LAMA2: variants seen among roughly 807,000 people sequenced by gnomAD.
LAMA2 encodes laminin subunit alpha 2.
Under a neutral mutation model 364.8 loss-of-function variants are expected in LAMA2, and 269 were observed. That is an observed-to-expected ratio of 0.74 (90% CI 0.67 to 0.82). LAMA2 has a LOEUF of 0.82. LAMA2 is among the 40% of genes least tolerant of loss of function. LAMA2 has a pLI of 0.00. For missense variants in LAMA2, 3,807 were observed against 3,873.2 expected, an observed-to-expected ratio of 0.98 and a Z score of 0.45; for synonymous variants, 1,379 against 1,370.6, an observed-to-expected ratio of 1.01 and a Z score of -0.14.
chr6:129,117,478 A>G (rs1462447430), intron 4 of LAMA2, among the ~76,000 whole-genome samples: 1 of 152,184 alleles, frequency 6.6e-6, no homozygotes, highest in Admixed American at 6.6e-5. Flanking sequence ...CTCAAATGTC[A>G]GATGTGCAGG....
chr6:128,942,819 A>C (rs942344752), intron 1 of LAMA2, among the ~76,000 whole-genome samples: 5 of 152,138 alleles, frequency 3.3e-5, no homozygotes, highest in African/African-American at 4.8e-5. Context: ...TTCAGCCTTA[A>C]GTACTTACCA....
chr6:129,147,024 T>C lies in LAMA2; in HGVS notation c.885T>C (p.Ala295=). 1 of 1,609,434 alleles carries C rather than the reference T, an allele frequency of 6.2e-7. No homozygotes were observed. The highest frequency in any genetic ancestry group is 1.7e-4 in the Middle Eastern group (1 of 6,050). ...GMCICYGHAR[A]CPLDPATNKS... is the part of the protein sequence containing the mutation. ...GCATCTGCTATGGTCATGCCAGGGC[T>C]TGTCCACTTGATCCAGCGACAAATG... Residue 295 remains alanine (A), a synonymous_variant, in exon 6 of 65, where the codon GCT becomes GCC. Transcript: ENST00000421865.
chr6:129,336,510 T>G (rs1050380923), intron 29 of LAMA2, among the ~76,000 whole-genome samples: 2 of 152,216 alleles, frequency 1.3e-5, no homozygotes, highest in East Asian at 3.8e-4. Context: ...AACAGGTCAC[T>G]GTACAGAGAT....
At chr6:129,297,593 T>C in intron 20 of LAMA2, 92 bp from the exon 21 acceptor site, 2 of 1,218,826 alleles carry the variant, frequency 1.6e-6, no homozygotes, top group Admixed American at 3.7e-5. Context: ...CCTAAGTTCC[T>C]CTGTTCCCAC....
intron 58 of LAMA2, among the ~76,000 whole-genome samples, chr6:129,498,749 G>T (rs1785393389): frequency 6.6e-6 from 1 of 152,148 alleles, no homozygotes; most frequent in Non-Finnish European, 1.5e-5. Flanking sequence ...CAAGAACAAA[G>T]ATGCCAGTTT....
chr6:128,887,097 T>C (rs1038550357), intron 1 of LAMA2, among the ~76,000 whole-genome samples: 1 of 152,250 alleles, frequency 6.6e-6, no homozygotes, highest in East Asian at 1.9e-4. Flanking sequence ...AATAAAAACA[T>C]GTTTGAGACA....
intron 20 of LAMA2, among the ~76,000 whole-genome samples, chr6:129,292,579 G>C (rs1268614648): frequency 6.6e-6 from 1 of 152,174 alleles, no homozygotes; most frequent in Non-Finnish European, 1.5e-5. Context: ...CTTTCAGTAT[G>C]GCAAGCAACT....
intron 1 of LAMA2, among the ~76,000 whole-genome samples, chr6:129,016,083 A>G (rs1785054631): frequency 6.6e-6 from 1 of 152,090 alleles, no homozygotes; most frequent in Non-Finnish European, 1.5e-5. Context: ...GTCTAACTGC[A>G]AAACAGTTTA....
intron 13 of LAMA2, 40 bp downstream of exon 13, chr6:129,250,253 A>T: frequency 8.2e-7 from 1 of 1,223,418 alleles, no homozygotes; most frequent in Non-Finnish European, 1.2e-6. Context: ...TTACTTCCTG[A>T]TGTTACTTAA....
intron 1 of LAMA2, among the ~76,000 whole-genome samples, chr6:129,038,273 T>C: frequency 6.6e-6 from 1 of 152,160 alleles, no homozygotes; most frequent in Admixed American, 6.5e-5. Flanking sequence ...ATGAAGCAAC[T>C]GTATACATAT....
At chr6:129,035,403 A>G (rs2114742129) in intron 1 of LAMA2, among the ~76,000 whole-genome samples, 1 of 147,416 alleles carries the variant, frequency 6.8e-6, no homozygotes, top group East Asian at 2.0e-4. Context: ...GTTTCTGGAT[A>G]TTAGTCATTT....
intron 1 of LAMA2, among the ~76,000 whole-genome samples, chr6:128,898,698 C>A (rs1776911622): frequency 6.6e-6 from 1 of 152,182 alleles, no homozygotes; most frequent in South Asian, 2.1e-4. Context: ...AATAGTAAAT[C>A]AGATTAGATC....
intron 51 of LAMA2, among the ~76,000 whole-genome samples, chr6:129,471,701 C>T (rs1022713413): frequency 6.6e-6 from 1 of 151,842 alleles, no homozygotes; most frequent in Non-Finnish European, 1.5e-5. Context: ...GTGTATGAAA[C>T]TAATTATGTA....
At chr6:129,040,122 A>G (rs1786985559) in intron 1 of LAMA2, among the ~76,000 whole-genome samples, 1 of 152,362 alleles carries the variant, frequency 6.6e-6, no homozygotes, top group Non-Finnish European at 1.5e-5. Flanking sequence ...TTGTTCACAA[A>G]GTATCTTTTA....
chr6:129,090,250 C>G (rs761616989), intron 3 of LAMA2, among the ~76,000 whole-genome samples: 46 of 152,164 alleles, frequency 3.0e-4, no homozygotes, highest in Non-Finnish European at 6.0e-4. Context: ...TATCAGTTTT[C>G]AACCCATCCA....
At chr6:128,884,158 G>A (rs6922375) in intron 1 of LAMA2, among the ~76,000 whole-genome samples, 9,997 of 152,030 alleles carry the variant, frequency 0.066, 971 homozygotes, top group African/African-American at 0.21. Flanking sequence ...TAGTGTTTAT[G>A]TATATATAGC....
Position 128,883,165 on chromosome 6 carries a change from A to G in LAMA2, c.-81A>G. ...CTTCCCCAGCAGCTGCTGCTCGCTC[A>G]GCTCACAAGCCAAGGCCAGGGGACA... is the stretch of plus-strand genomic sequence containing the variant. On this transcript the variant is annotated 5_prime_UTR_variant, in exon 1 of 65. Transcript: ENST00000421865. 1 of 1,361,088 alleles carries G rather than the reference A, an allele frequency of 7.3e-7. No homozygotes were observed. Among genetic ancestry groups the G allele is most frequent in the Non-Finnish European group, 1.0e-6 (1 of 985,720 alleles). The allele number at this position is 1,361,088 out of a possible 1,614,324, so 84.3% of individuals were successfully genotyped here. A position where few individuals can be genotyped will look rare whatever the true frequency, so the allele number is the denominator to read the frequency against.
intron 3 of LAMA2, among the ~76,000 whole-genome samples, chr6:129,065,218 A>G (rs1789214130): frequency 6.6e-6 from 1 of 152,208 alleles, no homozygotes; most frequent in Non-Finnish European, 1.5e-5. Context: ...GTTTAATGAT[A>G]AAAGCTGTCA....
chr6:129,328,176 G>GT, intron 28 of LAMA2, 102 bp from the exon 29 acceptor site: 1 of 994,660 alleles, frequency 1.0e-6, no homozygotes, highest in Non-Finnish European at 1.6e-6. Flanking sequence ...CCTGCCGCAG[G>GT]TGGGGGAAGG....
Sources: allele counts gnomAD v4.1 joint callset (sites outside exome capture counted in the v4.1 genomes callset), GRCh38; gene constraint gnomAD v4.1.1; transcripts MANE v1.5; gene names NCBI Gene and HGNC (gene_info 2026-07-23, HGNC 2026-07-21).